Variants in CADPS observed in about 807,000 individuals in gnomAD.
CADPS encodes the protein calcium dependent secretion activator.
A neutral mutation model predicts 167.3 loss-of-function variants in CADPS; 57 were observed. The observed-to-expected ratio is 0.34, with a 90% CI of 0.28 to 0.42. CADPS has a LOEUF of 0.42. CADPS is among the 20% of genes least tolerant of loss of function. The pLI is 1.00. For synonymous variants in CADPS, 676 were observed against 635.3 expected, an observed-to-expected ratio of 1.06 and a Z score of -0.96; for missense variants, 1,414 against 1,738.1, an observed-to-expected ratio of 0.81 and a Z score of 3.32.
chr3:62,633,895 T>C (rs955778661), intron 6 of CADPS, among the ~76,000 whole-genome samples: 2 of 152,230 alleles, frequency 1.3e-5, no homozygotes, highest in Non-Finnish European at 2.9e-5. Context: ...TTTTACAATG[T>C]TGCTATTAAA....
chr3:62,427,062 G>A (rs941039795), intron 28 of CADPS, among the ~76,000 whole-genome samples: 28 of 142,888 alleles, frequency 2.0e-4, no homozygotes, highest in Non-Finnish European at 2.9e-4. Context: ...GTGACAGAGC[G>A]AGACTCCGTA....
intron 24 of CADPS, among the ~76,000 whole-genome samples, chr3:62,469,349 A>G (rs2060303000): frequency 1.3e-5 from 2 of 152,154 alleles, no homozygotes; most frequent in Admixed American, 6.5e-5. Context: ...TTCTGTGCAG[A>G]TGTGAAGCTC....
At chr3:62,622,424 A>G (rs879495196) in intron 6 of CADPS, among the ~76,000 whole-genome samples, 4 of 152,144 alleles carry the variant, frequency 2.6e-5, no homozygotes, top group African/African-American at 4.8e-5. Context: ...CTAAAGCTGA[A>G]CAATCAGGCC....
At chr3:62,624,679 T>C (rs1478897893) in intron 6 of CADPS, among the ~76,000 whole-genome samples, 1 of 152,212 alleles carries the variant, frequency 6.6e-6, no homozygotes, top group Non-Finnish European at 1.5e-5. Context: ...TACTTTCAAG[T>C]TTCTTCTCCT....
intron 26 of CADPS, among the ~76,000 whole-genome samples, chr3:62,452,850 A>G (rs1278110374): frequency 6.6e-6 from 1 of 152,196 alleles, no homozygotes; most frequent in Non-Finnish European, 1.5e-5. Context: ...GCAGTGGTTC[A>G]TGCTTATAAA....
chr3:62,715,410 T>C (rs2084313396), intron 3 of CADPS, among the ~76,000 whole-genome samples: 1 of 93,206 alleles, frequency 1.1e-5, no homozygotes, highest in South Asian at 3.1e-4. Flanking sequence ...GTATTATATA[T>C]AAATATATAT....
intron 1 of CADPS, among the ~76,000 whole-genome samples, chr3:62,785,481 A>G (rs764756124): frequency 6.6e-6 from 1 of 152,156 alleles, no homozygotes; most frequent in Non-Finnish European, 1.5e-5. Context: ...ATACCAAAGT[A>G]ACCTTCTTAT....
chr3:62,592,357 T>C (rs190643912), intron 7 of CADPS, among the ~76,000 whole-genome samples: 71 of 152,268 alleles, frequency 4.7e-4, no homozygotes, highest in African/African-American at 1.5e-3. Flanking sequence ...AAATCTTAAC[T>C]CTAAAGGATG....
rs962405288 is a variant in CADPS at position 62,667,186 on chromosome 3, A to G, written c.889-4792T>C. Among the ~76,000 whole-genome samples the G allele has an allele frequency of 3.3e-5, 5 of 152,098 alleles. No homozygotes were observed. In the East Asian group the frequency reaches 7.7e-4, roughly 24 times the overall value. ...GATTAAGTCAGATGATATACATTCA[A>G]AGCACCCAGTGAGGTAGGTGTTGGC... On this transcript the variant is annotated intron_variant, in intron 3 of 29. Transcript: ENST00000383710.
intron 13 of CADPS, among the ~76,000 whole-genome samples, chr3:62,528,885 G>A (rs923727336): frequency 6.6e-5 from 10 of 152,160 alleles, no homozygotes; most frequent in Admixed American, 6.6e-5. Flanking sequence ...GTGGCTGGGC[G>A]CGGTGGCTCA....
At chr3:62,493,043 GGT>G (rs2151120035) in intron 19 of CADPS, among the ~76,000 whole-genome samples, 1 of 152,246 alleles carries the variant, frequency 6.6e-6, no homozygotes, top group South Asian at 2.1e-4. Context: ...AGGAGGCTTT[GGT>G]TTTGTATCCA....
At position 62,567,564 on chromosome 3, in the gene CADPS, C is replaced by CTTT. The variant is rs10561022; in HGVS notation, c.1644+3305_1644+3307dup. Among the ~76,000 whole-genome samples the CTTT allele has an allele frequency of 4.3e-3, 145 of 33,848 alleles. 29 individuals are homozygous for CTTT. The highest frequency in any genetic ancestry group is 0.013 in the African/African-American group (118 of 9,178). 22.2% of individuals were successfully genotyped at this position (33,848 alleles called of 152,430 possible). On this transcript the variant is annotated intron_variant, in intron 9 of 29. Coordinates refer to ENST00000383710, the MANE Select transcript of CADPS (RefSeq NM_003716.4). ...GAGAACCATCCATGACTAAGCACTG[C>CTTT]TTTTTTTTTTTTTTTTTTTTTTTTT... is the stretch of plus-strand genomic sequence containing the variant.
At position 62,557,253 on chromosome 3, in the gene CADPS, T is replaced by C. The variant is rs1007869240; in HGVS notation, c.1753+152A>G. On this transcript the variant is annotated intron_variant, in intron 10 of 29. Transcript: ENST00000383710. ...CAACCGGGATGGAAACGGCATAATA[T>C]CAGGGATTGTGACTGTCATGCACAC... 3.2e-5 allele frequency: 20 copies of C among 616,682 alleles called. No homozygotes were observed. In the African/African-American group the frequency reaches 3.3e-4, roughly 10 times the overall value. 38.2% of individuals were successfully genotyped at this position (616,682 alleles called of 1,614,324 possible). A position where few individuals can be genotyped will look rare whatever the true frequency, so the allele number is the denominator to read the frequency against.
At chr3:62,530,554 T>A in intron 13 of CADPS, 1 of 735,654 alleles carries the variant, frequency 1.4e-6, no homozygotes, top group Non-Finnish European at 1.8e-6. Context: ...ACTTTAGGAA[T>A]ACTCAAAGCT....
intron 6 of CADPS, among the ~76,000 whole-genome samples, chr3:62,624,020 C>T (rs2063600039): frequency 1.3e-5 from 2 of 151,892 alleles, no homozygotes; most frequent in South Asian, 4.2e-4. Context: ...TCTTTCTTCT[C>T]TAGTCCTTTT....
intron 3 of CADPS, among the ~76,000 whole-genome samples, chr3:62,736,357 C>A (rs1330459946): frequency 6.6e-6 from 1 of 152,150 alleles, no homozygotes; most frequent in Non-Finnish European, 1.5e-5. Flanking sequence ...TCAGTTAATT[C>A]CAGTAGGTTC....
At chr3:62,777,930 T>C (rs937935109) in intron 1 of CADPS, among the ~76,000 whole-genome samples, 1 of 152,212 alleles carries the variant, frequency 6.6e-6, no homozygotes, top group African/African-American at 2.4e-5. Flanking sequence ...TACGGCAATA[T>C]GAGCCGGCTG....
At chr3:62,549,872 G>A in intron 11 of CADPS, 31 bp downstream of exon 11, 1 of 1,540,618 alleles carries the variant, frequency 6.5e-7, no homozygotes, top group Admixed American at 1.7e-5. Flanking sequence ...ACTCTACAGA[G>A]CTATTTTTGT....
At chr3:62,724,413 T>C (rs2076369885) in intron 3 of CADPS, among the ~76,000 whole-genome samples, 1 of 152,102 alleles carries the variant, frequency 6.6e-6, no homozygotes, top group Non-Finnish European at 1.5e-5. Flanking sequence ...ACAATAACAG[T>C]TTAAAAACAA....
Sources: gnomAD v4.1 joint callset for allele counts (sites outside exome capture counted in the v4.1 genomes callset) on GRCh38, gnomAD v4.1.1 for gene constraint, MANE v1.5 for transcripts, NCBI Gene and HGNC (gene_info 2026-07-23, HGNC 2026-07-21) for gene names.